KIF20A: variants seen among roughly 807,000 people sequenced by gnomAD.
KIF20A encodes the protein kinesin-like protein KIF20A.
Under a neutral mutation model 113.0 loss-of-function variants are expected in KIF20A, and 66 were observed. The observed-to-expected ratio is 0.58, with a 90% CI of 0.48 to 0.72. KIF20A has a LOEUF of 0.72. Among genes scored for constraint, KIF20A ranks in the 30% least tolerant of loss-of-function variants. The pLI is 0.00. For missense variants in KIF20A, 927 were observed against 1,077.6 expected, an observed-to-expected ratio of 0.86 and a Z score of 1.96; for synonymous variants, 376 against 402.3, an observed-to-expected ratio of 0.93 and a Z score of 0.78.
In KIF20A at chr5:138,184,461, G is replaced by A. The variant is rs575409943; in HGVS notation, c.1519-51G>A. ...ACTTGGAACTGGTAACTCTAAGAAA[G>A]CTCCTAGGGACTACTTATGGAGTCA... On this transcript the variant is annotated intron_variant, in intron 12 of 18. Coordinates refer to ENST00000394894, the MANE Select transcript of KIF20A (RefSeq NM_005733.3). 8 of 1,611,228 alleles carry A rather than the reference G, an allele frequency of 5.0e-6. No homozygotes were observed. In the African/African-American group the frequency reaches 1.1e-4, roughly 22 times the overall value.
At position 138,186,049 on chromosome 5, in the gene KIF20A, G is replaced by A. The variant is rs1048564794; in HGVS notation, c.2214G>A (p.Gln738=). The A allele has an allele frequency of 6.2e-7, 1 of 1,613,374 alleles. No homozygotes were observed. Among genetic ancestry groups the A allele is most frequent in the Admixed American group, 1.7e-5 (1 of 59,976 alleles). The change falls in exon 17 of 19, where the codon CAG becomes CAA. Residue 738 remains glutamine, a synonymous_variant. Transcript: ENST00000394894. ...TGGACAAGAAGTTAGAAGAGGGCCAGAAGGTAATTACCACCATTCTCTGTT... is the reference window on the plus strand; with the variant it reads ...TGGACAAGAAGTTAGAAGAGGGCCAAAAGGTAATTACCACCATTCTCTGTT... ...IDVDKKLEEG[Q]KNIRLLRTEL...
Position 138,187,495 on chromosome 5 carries a change from T to A in KIF20A, c.*82T>A. On this transcript the variant is annotated 3_prime_UTR_variant, in exon 19 of 19. Transcript: ENST00000394894. ...GAAGAAATAGGTCTCTTTTATGCTT[T>A]ACCATATATCAGGAATTATATCCAG... is the stretch of plus-strand genomic sequence containing the variant. The A allele has an allele frequency of 8.8e-7, 1 of 1,130,104 alleles. No individual in the cohort carries two copies. Among genetic ancestry groups the A allele is most frequent in the Non-Finnish European group, 1.3e-6 (1 of 798,378 alleles). The allele number at this position is 1,130,104 out of a possible 1,614,324, so 70.0% of individuals were successfully genotyped here. A position where few individuals can be genotyped will look rare whatever the true frequency, so the allele number is the denominator to read the frequency against.
In KIF20A at chr5:138,182,934, G is replaced by C. The variant is rs941036797; in HGVS notation, c.776G>C (p.Ser259Thr). ...ATAGGTACCAGCACCAGCTTCGACA[G>C]TGGCATTGCTGGGCTCTCTTCTATC... ...SRIGTSTSFD[S>T]GIAGLSSISQ... The change falls in exon 7 of 19, where the codon AGT (serine) becomes ACT (threonine). Residue 259 changes from serine to threonine, a missense_variant. Physicochemically the swap from Ser to Thr is moderately conservative, Grantham distance 58. Coordinates refer to ENST00000394894, the MANE Select transcript of KIF20A (RefSeq NM_005733.3). 6.2e-7 allele frequency: 1 copy of C among 1,614,084 alleles called. No individual in the cohort carries two copies. The highest frequency in any genetic ancestry group is 1.3e-5 in the African/African-American group (1 of 74,936).
intron 15 of KIF20A, 44 bp from the exon 16 acceptor site, chr5:138,185,468 T>G (rs920550394): frequency 1.3e-6 from 2 of 1,579,816 alleles, no homozygotes; most frequent in Non-Finnish European, 1.7e-6. Flanking sequence ...TTAGCAATAT[T>G]TTTCTGGCTC....
chr5:138,181,346 A>G, intron 2 of KIF20A, 76 bp from the exon 3 acceptor site: 1 of 1,175,794 alleles, frequency 8.5e-7, no homozygotes, highest in South Asian at 1.3e-5. Flanking sequence ...TAGTTCCTAG[A>G]AACTACTGTT....
In KIF20A at chr5:138,182,317, C is replaced by T; in HGVS notation, c.376-6C>T. ...GAGGCCTCTAAAAAACTGGGTCTCT[C>T]TCTAGATCTTTGGGCCAGAAGTGGG... On this transcript the variant is annotated splice_region_variant and splice_polypyrimidine_tract_variant and intron_variant, in intron 4 of 18. Coordinates refer to ENST00000394894, the MANE Select transcript of KIF20A (RefSeq NM_005733.3). The T allele has an allele frequency of 3.1e-6, 5 of 1,612,564 alleles. No individual in the cohort carries two copies. Among genetic ancestry groups the T allele is most frequent in the Non-Finnish European group, 4.2e-6 (5 of 1,179,312 alleles).
In KIF20A at chr5:138,183,774, GA is replaced by G. The variant is rs768233372; in HGVS notation, c.1208+21del. 1.2e-6 allele frequency: 2 copies of G among 1,609,814 alleles called. No homozygotes were observed. Among genetic ancestry groups the G allele is most frequent in the Non-Finnish European group, 1.7e-6 (2 of 1,176,340 alleles). ...ATCAGCGAGTAAGTTTATCCATTTA[GA>G]AATTTGGGCTTCTTGGCCATAAATG... is the stretch of plus-strand genomic sequence containing the variant. On this transcript the variant is annotated intron_variant, in intron 10 of 18. Coordinates refer to ENST00000394894, the MANE Select transcript of KIF20A (RefSeq NM_005733.3). This position sits in a 1 kb window ranked among gnomAD's most constrained non-coding sequence, Gnocchi z 5.2.
chr5:138,187,356 C>G lies in KIF20A; in HGVS notation c.2616C>G (p.Ile872Met). 1 of 1,614,196 alleles carries G rather than the reference C, an allele frequency of 6.2e-7. No individual in the cohort carries two copies. The highest frequency in any genetic ancestry group is 1.3e-5 in the African/African-American group (1 of 75,054). Residue 872 changes from isoleucine to methionine, a missense_variant, in exon 19 of 19, where the codon ATC (isoleucine) becomes ATG (methionine). Physicochemically the swap from Ile to Met is conservative, Grantham distance 10. Transcript: ENST00000394894. ...CAGACTGCAGCCCTTATGCCCGGAT[C>G]CTACGCTCACGGCGTTCCCCTTTAC... ...SSTDCSPYARILRSRRSPLLK... is the reference protein window; with the variant it reads ...SSTDCSPYARMLRSRRSPLLK...
intron 1 of KIF20A, chr5:138,179,419 T>C (rs549940810): frequency 2.2e-6 from 1 of 455,674 alleles, no homozygotes; most frequent in East Asian, 4.4e-5. Flanking sequence ...CGTAGCCTTC[T>C]GCTTTTGGAG....
Position 138,182,380 on chromosome 5 carries a change from G to A in KIF20A, c.433G>A (p.Val145Ile). 1 of 1,614,158 alleles carries A rather than the reference G, an allele frequency of 6.2e-7. No individual in the cohort carries two copies. Among genetic ancestry groups the A allele is most frequent in the Non-Finnish European group, 8.5e-7 (1 of 1,180,010 alleles). Residue 145 changes from valine to isoleucine, a missense_variant, in exon 5 of 19, where the codon GTA becomes ATA. Physicochemically the swap from Val to Ile is conservative, Grantham distance 29. Coordinates refer to ENST00000394894, the MANE Select transcript of KIF20A (RefSeq NM_005733.3). The part of the protein sequence containing the change: ...SFFNLTVKEM[V>I]KDVLKGQNWL... ...CTTCAACCTAACTGTGAAGGAGATG[G>A]TAAAGGATGTACTCAAAGGGCAGAA... is the stretch of plus-strand genomic sequence containing the variant.
rs374601490 is a variant in KIF20A, at chr5:138,182,511, T to C, written c.514+50T>C. On this transcript the variant is annotated intron_variant, in intron 5 of 18. Transcript: ENST00000394894. The stretch of plus-strand genomic sequence containing the variant: ...TCCTGATTGGCTGGTAATGGTGTTG[T>C]TTTTACCTTTTGAGACTCTGAGTTA... The C allele has an allele frequency of 4.2e-5, 67 of 1,611,952 alleles. No individual in the cohort carries two copies. In the African/African-American group the frequency reaches 8.7e-4, roughly 21 times the overall value.
chr5:138,184,565 C>T lies in KIF20A; in HGVS notation c.1572C>T (p.Ile524=), dbSNP rs1754713961. The change falls in exon 13 of 19, where the codon ATC becomes ATT. Residue 524 remains isoleucine, a synonymous_variant. Coordinates refer to ENST00000394894, the MANE Select transcript of KIF20A (RefSeq NM_005733.3). ...GATTCCCATCCCTGCACTCGTTCAT[C>T]AAGGAACATAGTCTTCAGGTATCCC... ...QLGFPSLHSF[I]KEHSLQVSPS... is the part of the protein sequence containing the mutation. 1.9e-6 allele frequency: 3 copies of T among 1,614,146 alleles called. No individual in the cohort carries two copies. The highest frequency in any genetic ancestry group is 2.5e-6 in the Non-Finnish European group (3 of 1,180,014).
At position 138,182,272 on chromosome 5, in the gene KIF20A, G is replaced by T. The variant is rs576123511; in HGVS notation, c.376-51G>T. The T allele has an allele frequency of 4.4e-6, 7 of 1,589,642 alleles. No homozygotes were observed. The East Asian group carries it at 1.6e-4, about 35-fold the overall frequency. On this transcript the variant is annotated intron_variant, in intron 4 of 18. Transcript: ENST00000394894. ...ATATATCTGCTGGCTCTGCACAGGA[G>T]GCAAGTGGGAGATGAAGGAGAGGCC...
At chr5:138,180,038 A>C (rs1754622310) in intron 2 of KIF20A, among the ~76,000 whole-genome samples, 193 bp downstream of exon 2, 1 of 152,242 alleles carries the variant, frequency 6.6e-6, no homozygotes, top group African/African-American at 2.4e-5. Context: ...AAGTAAAAAA[A>C]AAATTGAGTT....
intron 2 of KIF20A, among the ~76,000 whole-genome samples, chr5:138,181,153 A>C (rs1405071038): frequency 1.3e-5 from 2 of 152,226 alleles, no homozygotes; most frequent in African/African-American, 4.8e-5. Flanking sequence ...ATCACATACT[A>C]ATTTTCATAC....
intron 18 of KIF20A, among the ~76,000 whole-genome samples, chr5:138,186,697 A>AT (rs1000082651): frequency 1.3e-5 from 2 of 152,232 alleles, no homozygotes; most frequent in African/African-American, 4.8e-5. Flanking sequence ...GCTACTGATT[A>AT]TAAGAAACCA....
At position 138,187,418 on chromosome 5, in the gene KIF20A, G is replaced by A. The variant is rs567358179; in HGVS notation, c.*5G>A. 3.7e-6 allele frequency: 6 copies of A among 1,608,508 alleles called. No homozygotes were observed. Among genetic ancestry groups the A allele is most frequent in the East Asian group, 2.2e-5 (1 of 44,810 alleles). ...CCTTTTGGCAAAAAGTACTAAGGCT[G>A]TGGGGAAAGAGAAGAGCAGTCATGG... On this transcript the variant is annotated 3_prime_UTR_variant, in exon 19 of 19. Coordinates refer to ENST00000394894, the MANE Select transcript of KIF20A (RefSeq NM_005733.3).
At position 138,185,983 on chromosome 5, in the gene KIF20A, G is replaced by A; in HGVS notation, c.2148G>A (p.Met716Ile). 6.2e-7 allele frequency: 1 copy of A among 1,614,046 alleles called. No homozygotes were observed. Among genetic ancestry groups the A allele is most frequent in the South Asian group, 1.1e-5 (1 of 91,076 alleles). Residue 716 changes from methionine (M) to isoleucine (I), a missense_variant, in exon 17 of 19, where the codon ATG becomes ATA. Physicochemically the swap from Met to Ile is conservative, Grantham distance 10. Coordinates refer to ENST00000394894, the MANE Select transcript of KIF20A (RefSeq NM_005733.3). ...CAGAGTTGCATAAGTATCAGAAAAT[G>A]TTAGAACCACCACCCTCAGCCAAGC... ...TTEELHKYQK[M>I]LEPPPSAKPF...
rs1306655495 is a variant in KIF20A at position 138,185,974 on chromosome 5, T to A, written c.2139T>A (p.Tyr713Ter). 6.2e-7 allele frequency: 1 copy of A among 1,613,980 alleles called. No homozygotes were observed. The highest frequency in any genetic ancestry group is 1.1e-5 in the South Asian group (1 of 91,084). ...TCCTTCCCTCAGAGTTGCATAAGTATCAGAAAATGTTAGAACCACCACCCT... is the reference window on the plus strand; with the variant it reads ...TCCTTCCCTCAGAGTTGCATAAGTAACAGAAAATGTTAGAACCACCACCCT... ...LNSTTEELHK[Y>*]QKMLEPPPSA... The change falls in exon 17 of 19, where the codon TAT (tyrosine) becomes TAA (stop). Residue 713 changes from tyrosine to a stop codon, truncating the protein, a stop_gained. Transcript: ENST00000394894. LOFTEE classifies it high-confidence loss of function.
Sources: gnomAD v4.1 joint callset for allele counts (sites outside exome capture counted in the v4.1 genomes callset) on GRCh38, gnomAD v4.1.1 for gene constraint, Gnocchi (gnomAD v3.1) non-coding constraint, MANE v1.5 for transcripts, NCBI Gene and HGNC (gene_info 2026-07-23, HGNC 2026-07-21) for gene names.